Variants in PIAS2 observed in about 807,000 individuals in gnomAD.
The protein encoded by PIAS2 is protein inhibitor of activated STAT 2.
A neutral mutation model predicts 69.7 loss-of-function variants in PIAS2; 19 were observed. The observed-to-expected ratio is 0.27, with a 90% CI of 0.19 to 0.40. The LOEUF (loss-of-function observed/expected upper bound fraction) is 0.40, where lower values mean the gene tolerates loss of function less well. Ranked by LOEUF, PIAS2 falls within the 10% of genes least tolerant of loss-of-function variation. The probability of loss-of-function intolerance (pLI) is 1.00; values close to 1 mark genes in which losing one functional copy is unlikely to be tolerated. For missense variants in PIAS2, 624 were observed against 757.0 expected (o/e 0.82, Z 2.06); for synonymous variants, 261 against 263.2 (o/e 0.99, Z 0.08).
At chr18:46,820,547 A>C (rs1264013766) in intron 12 of PIAS2, among the ~76,000 whole-genome samples, 1 of 152,156 alleles carries the variant, frequency 6.6e-6, no homozygotes, top group African/African-American at 2.4e-5. Flanking sequence ...TGTAGGAAAA[A>C]TCAGCCCCAA....
At chr18:46,845,330 A>C (rs2145248935) in intron 6 of PIAS2, among the ~76,000 whole-genome samples, 1 of 152,282 alleles carries the variant, frequency 6.6e-6, no homozygotes, top group Non-Finnish European at 1.5e-5. Flanking sequence ...CAAAGTTCTA[A>C]TTCTGGCAGA....
chr18:46,828,662 A>G (rs1294990887), intron 10 of PIAS2, among the ~76,000 whole-genome samples: 3 of 152,188 alleles, frequency 2.0e-5, no homozygotes, highest in East Asian at 1.9e-4. Context: ...TTTCATCTTG[A>G]TAAGTTGAAA....
chr18:46,911,673 A>C (rs145818113), intron 1 of PIAS2, among the ~76,000 whole-genome samples: 1 of 152,362 alleles, frequency 6.6e-6, no homozygotes, highest in Non-Finnish European at 1.5e-5. Context: ...TTTCCTGCAG[A>C]AGCACAGAAA....
intron 3 of PIAS2, among the ~76,000 whole-genome samples, chr18:46,856,348 G>T (rs2047833014): frequency 6.6e-6 from 1 of 151,916 alleles, no homozygotes; most frequent in Non-Finnish European, 1.5e-5. Flanking sequence ...TATTCTTATT[G>T]ATCTCAAGTA....
At chr18:46,900,503 AC>A (rs1171959436) in intron 1 of PIAS2, among the ~76,000 whole-genome samples, 1 of 151,542 alleles carries the variant, frequency 6.6e-6, no homozygotes, top group East Asian at 1.9e-4. Context: ...CCCAGGTTCT[AC>A]CAAAAAAAAA....
chr18:46,818,974 C>T (rs946303017), intron 12 of PIAS2, among the ~76,000 whole-genome samples: 5 of 152,056 alleles, frequency 3.3e-5, no homozygotes, highest in African/African-American at 1.2e-4. Flanking sequence ...TAAAGTCTCA[C>T]TTTATGCCCA....
intron 13 of PIAS2, 39 bp downstream of exon 13, chr18:46,815,273 A>G: frequency 6.4e-7 from 1 of 1,572,184 alleles, no homozygotes; most frequent in Non-Finnish European, 8.7e-7. Flanking sequence ...ATAACCAACA[A>G]TCAAATACAA....
At chr18:46,896,273 T>TAAAC (rs1390397415) in intron 1 of PIAS2, among the ~76,000 whole-genome samples, 5 of 125,850 alleles carry the variant, frequency 4.0e-5, no homozygotes, top group African/African-American at 1.5e-4. Context: ...AAAAAAAAAC[T>TAAAC]AAACAAATTT....
In PIAS2 at chr18:46,914,703, T is replaced by C. The variant is rs537135662; in HGVS notation, c.24+2619A>G. Among the ~76,000 whole-genome samples the C allele has an allele frequency of 2.5e-4, 38 of 152,216 alleles. 1 individual carries two copies. In the South Asian group the frequency reaches 7.3e-3, roughly 29 times the overall value. Reference sequence around the variant, plus strand: ...GCCAGGATATGAACTGCTCTGGTTATACTTGTCCAAAATGAGTAGCCTTGA... The same window carrying C: ...GCCAGGATATGAACTGCTCTGGTTACACTTGTCCAAAATGAGTAGCCTTGA... On this transcript the variant is annotated intron_variant, in intron 1 of 13. Coordinates refer to ENST00000585916, the MANE Select transcript of PIAS2 (RefSeq NM_004671.5).
intron 1 of PIAS2, among the ~76,000 whole-genome samples, chr18:46,896,218 T>A (rs1598937405): frequency 7.9e-5 from 8 of 101,708 alleles, no homozygotes; most frequent in Non-Finnish European, 8.4e-5. Context: ...TGAAGTCAGA[T>A]CCACAAAAGG....
chr18:46,818,285 T>C, intron 12 of PIAS2: 1 of 1,352,132 alleles, frequency 7.4e-7, no homozygotes, highest in Non-Finnish European at 9.6e-7. Flanking sequence ...CACCTGACAA[T>C]ATGGCACTAG....
chr18:46,831,655 C>A (rs1014416788), intron 9 of PIAS2, among the ~76,000 whole-genome samples: 4 of 152,156 alleles, frequency 2.6e-5, no homozygotes, highest in African/African-American at 7.2e-5. Context: ...AGAGATCACA[C>A]ATATAGTCAA....
chr18:46,827,451 T>A (rs2144918801), intron 11 of PIAS2: 1 of 152,432 alleles, frequency 6.6e-6, no homozygotes, highest in Admixed American at 6.5e-5. Context: ...AATTACCACA[T>A]GCCTGACACC....
intron 1 of PIAS2, among the ~76,000 whole-genome samples, chr18:46,902,113 A>G (rs1160313604): frequency 1.3e-5 from 2 of 152,216 alleles, no homozygotes; most frequent in East Asian, 3.8e-4. Context: ...ATCTTTATAC[A>G]CTAAAAATGA....
At chr18:46,903,851 T>G (rs144455637) in intron 1 of PIAS2, among the ~76,000 whole-genome samples, 36 of 152,294 alleles carry the variant, frequency 2.4e-4, no homozygotes, top group Non-Finnish European at 4.4e-4. Flanking sequence ...AAACAAACTA[T>G]AGTGAATTCA....
Position 46,811,463 on chromosome 18 carries a change from A to G in PIAS2, c.*970T>C, listed in dbSNP as rs1389541922. ...ATGAGAAAATTAAGTTGTTGGGAAGAAATTAAATTTTGTTATTACCACCTC... is the reference window on the plus strand; with the variant it reads ...ATGAGAAAATTAAGTTGTTGGGAAGGAATTAAATTTTGTTATTACCACCTC... On this transcript the variant is annotated 3_prime_UTR_variant, in exon 14 of 14. Coordinates refer to ENST00000585916, the MANE Select transcript of PIAS2 (RefSeq NM_004671.5). The G allele has an allele frequency of 6.6e-6, 1 of 152,190 alleles. No individual in the cohort carries two copies. Among genetic ancestry groups the G allele is most frequent in the Non-Finnish European group, 1.5e-5 (1 of 68,038 alleles). 9.4% of individuals were successfully genotyped at this position (152,190 alleles called of 1,614,324 possible).
intron 5 of PIAS2, among the ~76,000 whole-genome samples, chr18:46,854,949 C>T (rs1250268663): frequency 6.6e-6 from 1 of 152,044 alleles, no homozygotes; most frequent in Non-Finnish European, 1.5e-5. Context: ...TGTTTCACAG[C>T]ATCCTTGATT....
Position 46,890,780 on chromosome 18 carries a change from C to T in PIAS2, c.299G>A (p.Gly100Glu), listed in dbSNP as rs1376208506. 5 of 1,614,172 alleles carry T rather than the reference C, an allele frequency of 3.1e-6. No individual in the cohort carries two copies. The highest frequency in any genetic ancestry group is 4.2e-6 in the Non-Finnish European group (5 of 1,180,020). Residue 100 changes from glycine (G) to glutamate (E), a missense_variant, in exon 2 of 14, where the codon GGA (glycine) becomes GAA (glutamate). Transcript: ENST00000585916. ...SPVEPDLAVA[G>E]IHSLPSTSVT... is the part of the protein sequence containing the mutation. ...TGAAGTGGAAGGCAACGAGTGGATTCCAGCCACGGCCAAGTCAGGTTCTAC... is the reference window on the plus strand; with the variant it reads ...TGAAGTGGAAGGCAACGAGTGGATTTCAGCCACGGCCAAGTCAGGTTCTAC...
At chr18:46,872,294 T>C (rs1008276855) in intron 2 of PIAS2, among the ~76,000 whole-genome samples, 1 of 152,244 alleles carries the variant, frequency 6.6e-6, no homozygotes, top group Non-Finnish European at 1.5e-5. Flanking sequence ...TTTACAGTGA[T>C]AGACTTAAAA....
Sources: gnomAD v4.1 joint callset for allele counts (sites outside exome capture counted in the v4.1 genomes callset) on GRCh38, gnomAD v4.1.1 for gene constraint, MANE v1.5 for transcripts, NCBI Gene and HGNC (gene_info 2026-07-23, HGNC 2026-07-21) for gene names.